Variants in MARCHF1 observed in about 807,000 individuals in gnomAD.
MARCHF1 encodes the protein membrane associated ring-CH-type finger 1.
MARCHF1 carries 40 observed loss-of-function variants against 54.2 expected under a neutral mutation model. The observed-to-expected ratio is 0.74, with a 90% CI of 0.57 to 0.96. The LOEUF is 0.96. Ranked by LOEUF, MARCHF1 falls within the 40% of genes least tolerant of loss-of-function variation. MARCHF1 has a pLI of 0.00. For missense variants in MARCHF1, 586 were observed against 656.5 expected, an observed-to-expected ratio of 0.89 and a Z score of 1.17; for synonymous variants, 236 against 236.3, an observed-to-expected ratio of 1.00 and a Z score of 0.01.
chr4:164,151,902 T>G (rs1376650000), intron 1 of MARCHF1, among the ~76,000 whole-genome samples: 1 of 152,142 alleles, frequency 6.6e-6, no homozygotes, highest in Non-Finnish European at 1.5e-5. Context: ...TATTCAGTTT[T>G]TATTGACCTT....
intron 1 of MARCHF1, among the ~76,000 whole-genome samples, chr4:164,154,568 A>G (rs62350049): frequency 6.6e-6 from 1 of 152,178 alleles, no homozygotes. Context: ...TTCAGCCACC[A>G]CAAGCTCAAA....
chr4:163,887,376 T>C (rs1750561942), intron 3 of MARCHF1, among the ~76,000 whole-genome samples: 1 of 151,758 alleles, frequency 6.6e-6, no homozygotes, highest in South Asian at 2.1e-4. Context: ...ATTACTAGAG[T>C]AAATGTCCTG....
chr4:164,263,501 A>G (rs1488167615), intron 1 of MARCHF1, among the ~76,000 whole-genome samples: 3 of 152,108 alleles, frequency 2.0e-5, no homozygotes, highest in Admixed American at 6.5e-5. Context: ...GGCTCAAGCA[A>G]TCCTCTTGTA....
intron 1 of MARCHF1, among the ~76,000 whole-genome samples, chr4:164,201,467 G>A (rs578227095): frequency 4.6e-5 from 7 of 152,192 alleles, no homozygotes; most frequent in South Asian, 2.1e-4. Context: ...TGACCCGCCC[G>A]CCTGGGACTC....
Position 163,614,069 on chromosome 4 carries a change from C to A in MARCHF1, c.163-676G>T, listed in dbSNP as rs1254111412. Among the ~76,000 whole-genome samples, 4 of 152,028 alleles carry A rather than the reference C, an allele frequency of 2.6e-5. No homozygotes were observed. In the East Asian group the frequency reaches 7.7e-4, roughly 29 times the overall value. ...AGTCCTACCTTTGAAACAGTATTTTCTTCACTCTATTTGACTTTAACCTGT... is the reference window on the plus strand; with the variant it reads ...AGTCCTACCTTTGAAACAGTATTTTATTCACTCTATTTGACTTTAACCTGT... On this transcript the variant is annotated intron_variant, in intron 5 of 9. Transcript: ENST00000514618.
intron 1 of MARCHF1, among the ~76,000 whole-genome samples, chr4:164,273,032 T>C (rs1733781270): frequency 1.3e-5 from 2 of 152,004 alleles, no homozygotes; most frequent in Non-Finnish European, 2.9e-5. Context: ...ACCAAAATAT[T>C]AGCTCCTATG....
rs542413467 is a variant in MARCHF1, at chr4:164,028,663, A to G, written c.-247-39954T>C. Among the ~76,000 whole-genome samples, 163 of 152,278 alleles carry G rather than the reference A, an allele frequency of 1.1e-3. 1 individual carries two copies. The highest frequency in any genetic ancestry group is 0.01 in the Middle Eastern group (3 of 294). On this transcript the variant is annotated intron_variant, in intron 2 of 9. Coordinates refer to ENST00000514618, the MANE Select transcript of MARCHF1 (RefSeq NM_001394959.1). The stretch of plus-strand genomic sequence containing the variant: ...CTGGGTGATGTGATCCATACCCCTA[A>G]CCTCAATATCATACAATATATCCAT...
At chr4:163,889,485 A>G (rs1169350604) in intron 3 of MARCHF1, among the ~76,000 whole-genome samples, 1 of 152,010 alleles carries the variant, frequency 6.6e-6, no homozygotes. Flanking sequence ...GGAAAATTTC[A>G]TATTCTTTGG....
rs952679430 is a variant in MARCHF1 at position 163,858,735 on chromosome 4, C to CT, written c.-38-4567dup. On this transcript the variant is annotated intron_variant, in intron 3 of 9. Coordinates refer to ENST00000514618, the MANE Select transcript of MARCHF1 (RefSeq NM_001394959.1). The stretch of plus-strand genomic sequence containing the variant: ...TTACTCACTATATATTGAGAAAACT[C>CT]TAACATTCATGCCTATCACTCACAT... Among the ~76,000 whole-genome samples the CT allele has an allele frequency of 1.9e-3, 290 of 152,262 alleles. 2 individuals are homozygous for CT. Among genetic ancestry groups the CT allele is most frequent in the African/African-American group, 6.7e-3 (279 of 41,558 alleles).
chr4:164,118,966 C>T (rs1363361571), intron 1 of MARCHF1, among the ~76,000 whole-genome samples: 1 of 139,864 alleles, frequency 7.1e-6, no homozygotes, highest in Non-Finnish European at 1.6e-5. Context: ...TAATACGGGA[C>T]TCTCCCACCA....
At chr4:163,751,196 T>C (rs778365945) in intron 4 of MARCHF1, among the ~76,000 whole-genome samples, 5 of 151,184 alleles carry the variant, frequency 3.3e-5, no homozygotes, top group Non-Finnish European at 7.4e-5. Flanking sequence ...TCCCTCTATA[T>C]TGGCCATGTT....
At chr4:164,247,646 A>C (rs1369837443) in intron 1 of MARCHF1, among the ~76,000 whole-genome samples, 1 of 151,318 alleles carries the variant, frequency 6.6e-6, no homozygotes, top group African/African-American at 2.4e-5. Flanking sequence ...AAGAAAGTAA[A>C]AAAAAAAAAA....
intron 2 of MARCHF1, among the ~76,000 whole-genome samples, chr4:164,067,566 T>C (rs1210404264): frequency 6.6e-6 from 1 of 152,200 alleles, no homozygotes; most frequent in Admixed American, 6.5e-5. Context: ...CCTTTTGCCA[T>C]ATATAAAAAT....
intron 3 of MARCHF1, among the ~76,000 whole-genome samples, chr4:163,899,486 C>A (rs1468100556): frequency 6.6e-6 from 1 of 152,114 alleles, no homozygotes; most frequent in South Asian, 2.1e-4. Context: ...CCTCCCTTGC[C>A]AATTCTACTT....
chr4:164,346,951 C>T (rs2110866774), intron 1 of MARCHF1, among the ~76,000 whole-genome samples: 1 of 151,884 alleles, frequency 6.6e-6, no homozygotes, highest in African/African-American at 2.4e-5. Context: ...ATTTAGAAAA[C>T]TCCCTGTTTT....
At chr4:164,296,561 T>G (rs1379836726) in intron 1 of MARCHF1, among the ~76,000 whole-genome samples, 1 of 151,806 alleles carries the variant, frequency 6.6e-6, no homozygotes, top group Admixed American at 6.6e-5. Context: ...GTAGAGACAG[T>G]GTTTCACCAT....
Position 163,920,327 on chromosome 4 carries a change from G to A in MARCHF1, c.-38-66158C>T, listed in dbSNP as rs552441705. ...TAACCATGAAATTGTTCACCTTCTT[G>A]CAAGAATTAATTGTATAAAACTCTC... On this transcript the variant is annotated intron_variant, in intron 3 of 9. Transcript: ENST00000514618. Among the ~76,000 whole-genome samples, 4 of 152,302 alleles carry A rather than the reference G, an allele frequency of 2.6e-5. No individual in the cohort carries two copies. In the South Asian group the frequency reaches 8.3e-4, roughly 32 times the overall value.
intron 1 of MARCHF1, among the ~76,000 whole-genome samples, chr4:164,339,512 G>A (rs1463164817): frequency 6.6e-6 from 1 of 152,056 alleles, no homozygotes; most frequent in Non-Finnish European, 1.5e-5. Flanking sequence ...ATGTTAAAAT[G>A]TCTTGAGGCA....
chr4:163,652,698 T>C (rs1743009743), intron 5 of MARCHF1, among the ~76,000 whole-genome samples: 1 of 151,994 alleles, frequency 6.6e-6, no homozygotes, highest in South Asian at 2.1e-4. Context: ...TTTTATTTCT[T>C]CTAAGTGTTC....
Sources: gnomAD v4.1 joint callset for allele counts (sites outside exome capture counted in the v4.1 genomes callset) on GRCh38, gnomAD v4.1.1 for gene constraint, MANE v1.5 for transcripts, NCBI Gene and HGNC (gene_info 2026-07-23, HGNC 2026-07-21) for gene names.